Variants in MPZ observed in about 807,000 individuals in gnomAD.
MPZ encodes the protein myelin protein P0.
A neutral mutation model predicts 27.9 loss-of-function variants in MPZ; 13 were observed. The ratio of observed to expected loss-of-function variants is 0.47; its 90% CI spans 0.30 to 0.74. The LOEUF (loss-of-function observed/expected upper bound fraction) is 0.74. Ranked by LOEUF, MPZ falls within the 30% of genes least tolerant of loss-of-function variation. The pLI is 0.06. For missense variants in MPZ, 256 were observed against 317.5 expected (o/e 0.81, Z 1.47); for synonymous variants, 118 against 128.9 (o/e 0.92, Z 0.57).
chr1:161,305,866 C>T lies in MPZ; in HGVS notation c.*10G>A. 6.2e-7 allele frequency: 1 copy of T among 1,608,122 alleles called. No homozygotes were observed. The highest frequency in any genetic ancestry group is 8.5e-7 in the Non-Finnish European group (1 of 1,175,586). ...CCTAACCCCCGATCCCCCGCCCGGC[C>T]CGCTAACCGCTATTTCTTATCCTTG... is the stretch of plus-strand genomic sequence containing the variant. On this transcript the variant is annotated 3_prime_UTR_variant, in exon 6 of 6. Coordinates refer to ENST00000533357, the MANE Select transcript of MPZ (RefSeq NM_000530.8).
In MPZ at chr1:161,305,793, A is replaced by G; in HGVS notation, c.*83T>C. 9.8e-7 allele frequency: 1 copy of G among 1,018,654 alleles called. No individual in the cohort carries two copies. Among genetic ancestry groups the G allele is most frequent in the Admixed American group, 2.1e-5 (1 of 47,132 alleles). The allele number at this position is 1,018,654 out of a possible 1,614,324, so 63.1% of individuals were successfully genotyped here. ...CTCCGGGCTCTGCTCATCCTTTCGTAGCTCCATCTCGATGACCATCACCTT... is the reference window on the plus strand; with the variant it reads ...CTCCGGGCTCTGCTCATCCTTTCGTGGCTCCATCTCGATGACCATCACCTT... On this transcript the variant is annotated 3_prime_UTR_variant, in exon 6 of 6. Transcript: ENST00000533357.
chr1:161,307,355 A>G lies in MPZ; in HGVS notation c.137T>C (p.Val46Ala). ...GGACCAGAAGGAGCAGTGCAGGGTC[A>G]CCCGGGAGCCCACAGCACCATGGAC... ...REVHGAVGSR[V>A]TLHCSFWSSE... is the part of the protein sequence containing the mutation. Residue 46 changes from valine to alanine, a missense_variant, in exon 2 of 6, where the codon GTG becomes GCG. This residue lies in a region of MPZ where 155 missense variants were observed against 223.9 expected (regional missense o/e 0.69). Coordinates refer to ENST00000533357, the MANE Select transcript of MPZ (RefSeq NM_000530.8). 1 of 1,614,268 alleles carries G rather than the reference A, an allele frequency of 6.2e-7. No homozygotes were observed. Among genetic ancestry groups the G allele is most frequent in the Non-Finnish European group, 8.5e-7 (1 of 1,180,042 alleles).
chr1:161,305,579 G>T lies in MPZ; in HGVS notation c.*297C>A. 2.2e-6 allele frequency: 1 copy of T among 447,676 alleles called. No homozygotes were observed. The allele number at this position is 447,676 out of a possible 1,614,324, so 27.7% of individuals were successfully genotyped here. ...TGAAACTTACATCTCAAAGGGAGGT[G>T]AGGGCAGGGCAGGGCGGGGGAGCAA... On this transcript the variant is annotated 3_prime_UTR_variant, in exon 6 of 6. Transcript: ENST00000533357.
rs1670212558 is a variant in MPZ, at chr1:161,305,548, C to T, written c.*328G>A. 2 of 358,770 alleles carry T rather than the reference C, an allele frequency of 5.6e-6. No individual in the cohort carries two copies. Among genetic ancestry groups the T allele is most frequent in the East Asian group, 5.5e-5 (1 of 18,342 alleles). 22.2% of individuals were successfully genotyped at this position (358,770 alleles called of 1,614,324 possible). On this transcript the variant is annotated 3_prime_UTR_variant, in exon 6 of 6. Coordinates refer to ENST00000533357, the MANE Select transcript of MPZ (RefSeq NM_000530.8). Reference sequence around the variant, plus strand: ...AATACAATTGCCTGGGGAATGAATTCTGGAATGAAACTTACATCTCAAAGG... The same window carrying T: ...AATACAATTGCCTGGGGAATGAATTTTGGAATGAAACTTACATCTCAAAGG...
intron 1 of MPZ, among the ~76,000 whole-genome samples, 157 bp downstream of exon 1, chr1:161,309,682 A>G (rs1389130008): frequency 6.6e-6 from 1 of 151,302 alleles, no homozygotes; most frequent in Non-Finnish European, 1.5e-5. Flanking sequence ...ATGAGCCACC[A>G]TGCCCAGCCG....
intron 1 of MPZ, 156 bp from the exon 2 acceptor site, chr1:161,307,580 C>G (rs371827182): frequency 2.8e-6 from 2 of 718,346 alleles, no homozygotes; most frequent in East Asian, 5.4e-5. Context: ...TGGGGACTAA[C>G]TGAACAGATG....
chr1:161,306,527 C>T lies in MPZ; in HGVS notation c.449-63G>A, dbSNP rs115523609. ...GGCCCTGTATCTGTGGTTCCTAGTC[C>T]GAGTGTATGCCCTGCATTGAGGATG... is the stretch of plus-strand genomic sequence containing the variant. On this transcript the variant is annotated intron_variant, in intron 3 of 5. Coordinates refer to ENST00000533357, the MANE Select transcript of MPZ (RefSeq NM_000530.8). The T allele has an allele frequency of 2.8e-3, 4,570 of 1,606,004 alleles. 19 individuals carry two copies. The highest frequency in any genetic ancestry group is 2.9e-3 in the Non-Finnish European group (3,417 of 1,172,760).
chr1:161,306,491 A>C (rs929238679), intron 3 of MPZ, 27 bp from the exon 4 acceptor site: 3 of 1,614,052 alleles, frequency 1.9e-6, no homozygotes, highest in Non-Finnish European at 2.5e-6. Flanking sequence ...AAGAAGTGGG[A>C]GAATGAGCAG....
Position 161,305,997 on chromosome 1 carries a change from A to G in MPZ, c.646-20T>C. The G allele has an allele frequency of 6.2e-7, 1 of 1,610,412 alleles. No individual in the cohort carries two copies. Among genetic ancestry groups the G allele is most frequent in the Non-Finnish European group, 8.5e-7 (1 of 1,176,830 alleles). ...TGGCGTCTGGGGGAGGGGCGCACAC[A>G]TCAGTCACCGAGCGACTGGGGCTTG... On this transcript the variant is annotated intron_variant, in intron 5 of 5. Transcript: ENST00000533357.
At chr1:161,309,554 T>C (rs375945517) in intron 1 of MPZ, among the ~76,000 whole-genome samples, 1 of 64,778 alleles carries the variant, frequency 1.5e-5, no homozygotes, top group Non-Finnish European at 3.2e-5. Context: ...ATATATATAT[T>C]TTTTTTTTTT....
At position 161,309,552 on chromosome 1, in the gene MPZ, A is replaced by ATATATTTTTTTTT; in HGVS notation, c.67+286_67+287insAAAAAAAAATATA. Reference sequence around the variant, plus strand: ...TTTCTTTTCATATATATATATATATATTTTTTTTTTTTTTGAATTTTACAG... The same window carrying ATATATTTTTTTTT: ...TTTCTTTTCATATATATATATATATATATATTTTTTTTTTTTTTTTTTTTTTTGAATTTTACAG... On this transcript the variant is annotated intron_variant, in intron 1 of 5. Coordinates refer to ENST00000533357, the MANE Select transcript of MPZ (RefSeq NM_000530.8). Among the ~76,000 whole-genome samples the ATATATTTTTTTTT allele has an allele frequency of 3.4e-3, 274 of 80,548 alleles. 4 individuals are homozygous for ATATATTTTTTTTT. Among genetic ancestry groups the ATATATTTTTTTTT allele is most frequent in the Middle Eastern group, 8.1e-3 (1 of 124 alleles). 52.8% of individuals were successfully genotyped at this position (80,548 alleles called of 152,430 possible).
Position 161,305,605 on chromosome 1 carries a change from A to T in MPZ, c.*271T>A. 1 of 505,298 alleles carries T rather than the reference A, an allele frequency of 2.0e-6. No individual in the cohort carries two copies. The highest frequency in any genetic ancestry group is 3.5e-6 in the Non-Finnish European group (1 of 284,772). 31.3% of individuals were successfully genotyped at this position (505,298 alleles called of 1,614,324 possible). On this transcript the variant is annotated 3_prime_UTR_variant, in exon 6 of 6. Coordinates refer to ENST00000533357, the MANE Select transcript of MPZ (RefSeq NM_000530.8). ...AGGGCAGGGCAGGGCGGGGGAGCAA[A>T]GAGGGAAAGCACCTAGACGGGGGTA...
At chr1:161,306,023 AC>A in intron 5 of MPZ, 46 bp from the exon 6 acceptor site, 1 of 1,608,788 alleles carries the variant, frequency 6.2e-7, no homozygotes, top group Middle Eastern at 1.7e-4. Flanking sequence ...CTGGGGCTTG[AC>A]TGTTCCCATC....
chr1:161,307,227 A>G (rs1205501808), intron 2 of MPZ, 31 bp downstream of exon 2: 2 of 1,614,034 alleles, frequency 1.2e-6, no homozygotes, highest in Non-Finnish European at 1.7e-6. Flanking sequence ...ACTTTCTGTT[A>G]TCCAACCCCA....
At position 161,305,633 on chromosome 1, in the gene MPZ, A is replaced by G; in HGVS notation, c.*243T>C. On this transcript the variant is annotated 3_prime_UTR_variant, in exon 6 of 6. Coordinates refer to ENST00000533357, the MANE Select transcript of MPZ (RefSeq NM_000530.8). ...GGGAAAGCACCTAGACGGGGGTAAG[A>G]GGAGCCTAGGTCCCCCTGCTCTGGC... The G allele has an allele frequency of 1.8e-6, 1 of 545,120 alleles. No individual in the cohort carries two copies. The highest frequency in any genetic ancestry group is 3.0e-5 in the East Asian group (1 of 33,196). The allele number at this position is 545,120 out of a possible 1,614,324, so 33.8% of individuals were successfully genotyped here. A position where few individuals can be genotyped will look rare whatever the true frequency, so the allele number is the denominator to read the frequency against.
intron 1 of MPZ, among the ~76,000 whole-genome samples, chr1:161,309,552 A>ATATATATATATTTT: frequency 1.2e-5 from 1 of 80,666 alleles, no homozygotes; most frequent in African/African-American, 5.8e-5. Context: ...ATATATATAT[A>ATATATATATATTTT]TTTTTTTTTT....
Position 161,306,852 on chromosome 1 carries a change from C to T in MPZ, c.304G>A (p.Val102Ile), listed in dbSNP as rs868857219. Residue 102 changes from valine (V) to isoleucine (I), a missense_variant, in exon 3 of 6, where the codon GTA becomes ATA. This residue lies in a region of MPZ where 155 missense variants were observed against 223.9 expected (regional missense o/e 0.69). Transcript: ENST00000533357. ...CCATCCTTCCAGCGAGGGTCCCCTA[C>T]CCACTGGATGCGCTCTTTGAAGGTC... ...VGTFKERIQWVGDPRWKDGSI... is the reference protein window; with the variant it reads ...VGTFKERIQWIGDPRWKDGSI... The T allele has an allele frequency of 6.2e-7, 1 of 1,613,944 alleles. No homozygotes were observed. The highest frequency in any genetic ancestry group is 8.5e-7 in the Non-Finnish European group (1 of 1,179,990).
At position 161,306,185 on chromosome 1, in the gene MPZ, T is replaced by C. The variant is rs985185058; in HGVS notation, c.585-17A>G. 1.2e-6 allele frequency: 2 copies of C among 1,614,144 alleles called. No homozygotes were observed. The highest frequency in any genetic ancestry group is 1.7e-6 in the Non-Finnish European group (2 of 1,179,942). Reference sequence around the variant, plus strand: ...TCCATAGCACTGCAAGAAGAGAGACTGCTGTACGTTTGGCCTCGCCGGAAC... The same window carrying C: ...TCCATAGCACTGCAAGAAGAGAGACCGCTGTACGTTTGGCCTCGCCGGAAC... On this transcript the variant is annotated splice_polypyrimidine_tract_variant and intron_variant, in intron 4 of 5. Transcript: ENST00000533357.
At chr1:161,304,125 T>A (rs1571815130), downstream of MPZ, among the ~76,000 whole-genome samples, 1 of 152,186 alleles carries the variant, frequency 6.6e-6, no homozygotes, top group Non-Finnish European at 1.5e-5. Flanking sequence ...ATTAATAGTA[T>A]ACCTATTAAT....
Sources: allele counts gnomAD v4.1 joint callset (sites outside exome capture counted in the v4.1 genomes callset), GRCh38; gene constraint gnomAD v4.1.1; regional missense constraint gnomAD v4.1.1; transcripts MANE v1.5; gene names NCBI Gene and HGNC (gene_info 2026-07-23, HGNC 2026-07-21).